HSF2: variants seen among roughly 807,000 people sequenced by gnomAD.
HSF2 encodes the protein heat shock factor protein 2.
A neutral mutation model predicts 65.0 loss-of-function variants in HSF2; 21 were observed. The ratio of observed to expected loss-of-function variants is 0.32; its 90% CI spans 0.23 to 0.47. The LOEUF is 0.47. Among genes scored for constraint, HSF2 ranks in the 20% least tolerant of loss-of-function variants. HSF2 has a pLI of 1.00. For missense variants in HSF2, 499 were observed against 628.1 expected, an observed-to-expected ratio of 0.79 and a Z score of 2.20; for synonymous variants, 225 against 219.1, an observed-to-expected ratio of 1.03 and a Z score of -0.24.
At chr6:122,406,767 T>A (rs556912928) in intron 1 of HSF2, among the ~76,000 whole-genome samples, 1 of 148,284 alleles carries the variant, frequency 6.7e-6, no homozygotes, top group African/African-American at 2.5e-5. Flanking sequence ...TAAAAATGGA[T>A]CTCTAGTAGT....
intron 6 of HSF2, 87 bp downstream of exon 6, chr6:122,419,316 G>T: frequency 1.7e-6 from 1 of 603,978 alleles, no homozygotes; most frequent in Non-Finnish European, 3.0e-6. Flanking sequence ...CACTTGCTGA[G>T]TATGTGCTTG....
intron 1 of HSF2, among the ~76,000 whole-genome samples, chr6:122,410,489 C>A (rs1773964928): frequency 6.6e-6 from 1 of 151,744 alleles, no homozygotes. Flanking sequence ...CATTGTTAGG[C>A]AACCATTACC....
At chr6:122,426,984 A>C (rs559887310) in intron 10 of HSF2, among the ~76,000 whole-genome samples, 1 of 152,070 alleles carries the variant, frequency 6.6e-6, no homozygotes, top group African/African-American at 2.4e-5. Context: ...TTCTTCCCCT[A>C]GTCTTCTCCT....
Position 122,419,202 on chromosome 6 carries a change from A to G in HSF2, c.566A>G (p.Asn189Ser). 1 of 1,501,538 alleles carries G rather than the reference A, an allele frequency of 6.7e-7. No individual in the cohort carries two copies. Among genetic ancestry groups the G allele is most frequent in the Non-Finnish European group, 9.2e-7 (1 of 1,082,826 alleles). The allele number at this position is 1,501,538 out of a possible 1,614,324, so 93.0% of individuals were successfully genotyped here. A position where few individuals can be genotyped will look rare whatever the true frequency, so the allele number is the denominator to read the frequency against. ...TTTATTGTTACATTGGTTCAAAATAACCAACTTGTGAGTTTAAAACGTAAA... is the reference window on the plus strand; with the variant it reads ...TTTATTGTTACATTGGTTCAAAATAGCCAACTTGTGAGTTTAAAACGTAAA... ...VQFIVTLVQN[N>S]QLVSLKRKRP... Residue 189 changes from asparagine to serine, a missense_variant, in exon 6 of 13, where the codon AAC (asparagine) becomes AGC (serine). By Grantham distance (46) the Asn-to-Ser change is conservative. Coordinates refer to ENST00000368455, the MANE Select transcript of HSF2 (RefSeq NM_004506.4).
At chr6:122,415,313 C>G (rs544970889) in intron 4 of HSF2, among the ~76,000 whole-genome samples, 1 of 152,100 alleles carries the variant, frequency 6.6e-6, no homozygotes, top group Non-Finnish European at 1.5e-5. Flanking sequence ...ATCTGACAGA[C>G]TTTAGTTTGA....
intron 4 of HSF2, among the ~76,000 whole-genome samples, chr6:122,415,993 G>T (rs1005837000): frequency 2.8e-4 from 43 of 152,236 alleles, no homozygotes; most frequent in African/African-American, 9.4e-4. Context: ...CTTCAGCCTG[G>T]GCGACAGAGC....
chr6:122,408,645 A>C (rs2114426583), intron 1 of HSF2, among the ~76,000 whole-genome samples: 1 of 152,244 alleles, frequency 6.6e-6, no homozygotes, highest in Middle Eastern at 3.4e-3. Flanking sequence ...TACTGATTTC[A>C]GTTTTCTGAG....
At chr6:122,419,356 A>G in intron 6 of HSF2, 127 bp downstream of exon 6, 1 of 519,884 alleles carries the variant, frequency 1.9e-6, no homozygotes, top group Non-Finnish European at 3.5e-6. Context: ...CTCCTTTGTT[A>G]AATTATACTC....
chr6:122,407,591 GTT>G (rs11367024), intron 1 of HSF2, among the ~76,000 whole-genome samples: 5 of 148,520 alleles, frequency 3.4e-5, no homozygotes, highest in African/African-American at 7.4e-5. Context: ...CCATTTTTCT[GTT>G]TTTTTTTTTA....
At chr6:122,400,744 G>A (rs1773709611) in intron 1 of HSF2, among the ~76,000 whole-genome samples, 1 of 152,176 alleles carries the variant, frequency 6.6e-6, no homozygotes. Flanking sequence ...CACAGTGCAT[G>A]TGCATTAGAA....
chr6:122,431,417 T>TC lies in HSF2; in HGVS notation c.1231-13_1231-12insC. On this transcript the variant is annotated splice_polypyrimidine_tract_variant and intron_variant, in intron 11 of 12. Coordinates refer to ENST00000368455, the MANE Select transcript of HSF2 (RefSeq NM_004506.4). The stretch of plus-strand genomic sequence containing the variant: ...ATGAAACAAGTACTTATATATATAT[T>TC]TTTTTCTTTTAGTCTGAGAATAAAG... 1 of 1,055,990 alleles carries TC rather than the reference T, an allele frequency of 9.5e-7. No individual in the cohort carries two copies. Among genetic ancestry groups the TC allele is most frequent in the Non-Finnish European group, 1.3e-6 (1 of 757,776 alleles). 65.4% of individuals were successfully genotyped at this position (1,055,990 alleles called of 1,614,324 possible). A position where few individuals can be genotyped will look rare whatever the true frequency, so the allele number is the denominator to read the frequency against.
chr6:122,427,742 T>C (rs1174953613), intron 10 of HSF2, among the ~76,000 whole-genome samples, 161 bp from the exon 11 acceptor site: 1 of 152,098 alleles, frequency 6.6e-6, no homozygotes, highest in Non-Finnish European at 1.5e-5. Flanking sequence ...CTTTTGTTTG[T>C]TTTTCTTTCT....
At chr6:122,430,326 T>G (rs1774433949) in intron 11 of HSF2, among the ~76,000 whole-genome samples, 1 of 152,222 alleles carries the variant, frequency 6.6e-6, no homozygotes, top group Admixed American at 6.5e-5. Flanking sequence ...GATGGTAGTT[T>G]GTATTTCTGT....
intron 1 of HSF2, among the ~76,000 whole-genome samples, chr6:122,404,764 G>C (rs574886630): frequency 1.3e-5 from 2 of 152,192 alleles, no homozygotes; most frequent in Non-Finnish European, 1.5e-5. Flanking sequence ...GAACCTCACA[G>C]GTTTAAAAGA....
chr6:122,406,466 A>G (rs900276925), intron 1 of HSF2, among the ~76,000 whole-genome samples: 1 of 152,156 alleles, frequency 6.6e-6, no homozygotes, highest in African/African-American at 2.4e-5. Flanking sequence ...CCCTAGATCT[A>G]TAGTAAGAAG....
intron 3 of HSF2, 123 bp downstream of exon 3, chr6:122,412,887 T>A: frequency 1.1e-6 from 1 of 891,864 alleles, no homozygotes; most frequent in Non-Finnish European, 1.6e-6. Flanking sequence ...TGAATTAGGA[T>A]AATAAAGTTT....
At chr6:122,403,852 T>C (rs1773799015) in intron 1 of HSF2, among the ~76,000 whole-genome samples, 1 of 152,180 alleles carries the variant, frequency 6.6e-6, no homozygotes, top group Non-Finnish European at 1.5e-5. Flanking sequence ...AGGGCACATA[T>C]TAGCTTGGAA....
rs1774251291 is a variant in HSF2, at chr6:122,422,214, A to G, written c.746A>G (p.Tyr249Cys). The G allele has an allele frequency of 6.3e-7, 1 of 1,598,890 alleles. No individual in the cohort carries two copies. Among genetic ancestry groups the G allele is most frequent in the East Asian group, 2.2e-5 (1 of 44,694 alleles). Residue 249 changes from tyrosine to cysteine, a missense_variant, in exon 8 of 13, where the codon TAT (tyrosine) becomes TGT (cysteine). Physicochemically the swap from Tyr to Cys is radical, Grantham distance 194. Around this residue, in one of 2 missense-constraint regions of HSF2, gnomAD observed 349 missense variants for 393.5 expected, o/e 0.89. Transcript: ENST00000368455. ...RERISDDIII[Y>C]DVTDDNADEE... ...AGGATTTCAGATGACATCATTATTT[A>G]TGATGTTACTGATGATAATGCAGAT...
intron 1 of HSF2, among the ~76,000 whole-genome samples, chr6:122,409,436 A>AG (rs1227529757): frequency 6.6e-6 from 1 of 151,970 alleles, no homozygotes; most frequent in African/African-American, 2.4e-5. Flanking sequence ...GAATTGGAGA[A>AG]GGGGGGTTTA....
Sources: allele counts gnomAD v4.1 joint callset (sites outside exome capture counted in the v4.1 genomes callset), GRCh38; gene constraint gnomAD v4.1.1; regional missense constraint gnomAD v4.1.1; transcripts MANE v1.5; gene names NCBI Gene and HGNC (gene_info 2026-07-23, HGNC 2026-07-21).